Variants in STON1 observed in about 807,000 individuals in gnomAD.
The protein encoded by STON1 is stonin 1.
A neutral mutation model predicts 60.9 loss-of-function variants in STON1; 79 were observed. That is an observed-to-expected ratio of 1.30 (90% confidence interval 1.08 to 1.56). STON1 has a LOEUF of 1.56. STON1 is among the 40% of genes most tolerant of loss of function. STON1 has a pLI of 0.00. For synonymous variants in STON1, 363 were observed against 306.9 expected (o/e 1.18, Z -1.91); for missense variants, 1,166 against 858.9 (o/e 1.36, Z -4.47).
intron 1 of STON1, among the ~76,000 whole-genome samples, chr2:48,546,438 A>G (rs1343444475): frequency 6.6e-6 from 1 of 152,158 alleles, no homozygotes; most frequent in East Asian, 1.9e-4. Flanking sequence ...TTAGCTCTGA[A>G]GCTCATGTTT....
chr2:48,570,090 A>G (rs971253751), intron 1 of STON1, among the ~76,000 whole-genome samples: 1 of 152,188 alleles, frequency 6.6e-6, no homozygotes, highest in Non-Finnish European at 1.5e-5. Flanking sequence ...ATCCCAGCGC[A>G]TTGGGAGGCC....
chr2:48,576,185 C>CTTGTTTTTTTTTTTTTTTT (rs1673486090), intron 1 of STON1, among the ~76,000 whole-genome samples: 1 of 63,062 alleles, frequency 1.6e-5, no homozygotes, highest in Non-Finnish European at 2.6e-5. Context: ...GTTTTCCTTT[C>CTTGTTTTTTTTTTTTTTTT]TTTTTTTTTT....
intron 2 of STON1, among the ~76,000 whole-genome samples, chr2:48,586,320 G>A (rs1674203837): frequency 6.6e-6 from 1 of 152,200 alleles, no homozygotes; most frequent in Non-Finnish European, 1.5e-5. Flanking sequence ...TATAGGTTCT[G>A]TGCTGAGTGT....
intron 1 of STON1, among the ~76,000 whole-genome samples, chr2:48,543,667 G>A (rs904175623): frequency 6.6e-6 from 1 of 151,560 alleles, no homozygotes; most frequent in Non-Finnish European, 1.5e-5. Flanking sequence ...AAGTAGCTGG[G>A]ACTATAGGCA....
rs1369560950 is a variant in STON1, at chr2:48,582,391, C to T, written c.1758C>T (p.Asn586=). The T allele has an allele frequency of 6.2e-7, 1 of 1,614,156 alleles. No individual in the cohort carries two copies. The highest frequency in any genetic ancestry group is 8.5e-7 in the Non-Finnish European group (1 of 1,180,030). The change falls in exon 2 of 4, where the codon AAC becomes AAT. Residue 586 remains asparagine, a synonymous_variant. Transcript: ENST00000404752. ...GGATCAAGGCCCTTTGGACCATGAA[C>T]CTCCAGAGGCAGAAGTCTCTGAAAG... The part of the protein sequence containing the change: ...SQWIKALWTM[N]LQRQKSLKAK...
chr2:48,546,836 G>C (rs1215995272), intron 1 of STON1, among the ~76,000 whole-genome samples: 1 of 152,144 alleles, frequency 6.6e-6, no homozygotes, highest in African/African-American at 2.4e-5. Context: ...AAAATGTGGG[G>C]ATTACAGGTA....
intron 1 of STON1, among the ~76,000 whole-genome samples, chr2:48,565,341 C>A (rs2349097): frequency 1.3e-5 from 2 of 152,090 alleles, no homozygotes; most frequent in Admixed American, 1.3e-4. Flanking sequence ...CGTGAGCCAC[C>A]GCGCCCAGCC....
chr2:48,591,689 AGCTTG>A lies in STON1; in HGVS notation c.1969_1973del (p.Leu657IlefsTer8). Reference sequence around the variant, plus strand: ...CCCCATTGTCTGTCATACAAATTAGAGCTTGGATCAGACCAAGAAATTCCCTCTGA... The same window carrying A: ...CCCCATTGTCTGTCATACAAATTAGAGATCAGACCAAGAAATTCCCTCTGA... On this transcript the variant is annotated frameshift_variant, in exon 3 of 4. Coordinates refer to ENST00000404752, the MANE Select transcript of STON1 (RefSeq NM_006873.4). LOFTEE classifies it high-confidence loss of function. The A allele has an allele frequency of 6.2e-7, 1 of 1,614,074 alleles. No homozygotes were observed. Among genetic ancestry groups the A allele is most frequent in the Non-Finnish European group, 8.5e-7 (1 of 1,180,022 alleles).
At chr2:48,588,043 A>G (rs890489929) in intron 2 of STON1, among the ~76,000 whole-genome samples, 7 of 152,144 alleles carry the variant, frequency 4.6e-5, no homozygotes, top group African/African-American at 1.7e-4. Flanking sequence ...GGGTAATAAT[A>G]AGGTTGGAGC....
intron 1 of STON1, among the ~76,000 whole-genome samples, chr2:48,547,693 A>T (rs939601542): frequency 1.3e-5 from 2 of 152,192 alleles, no homozygotes; most frequent in Non-Finnish European, 2.9e-5. Context: ...AAGTTATCTG[A>T]AGGGTGGTCA....
intron 1 of STON1, among the ~76,000 whole-genome samples, chr2:48,538,998 G>A (rs1382172958): frequency 6.6e-6 from 1 of 151,582 alleles, no homozygotes; most frequent in East Asian, 1.9e-4. Context: ...GCTCACTGCA[G>A]CCTCAAACTC....
intron 1 of STON1, among the ~76,000 whole-genome samples, chr2:48,538,129 T>C (rs911625638): frequency 6.6e-6 from 1 of 151,962 alleles, no homozygotes; most frequent in Non-Finnish European, 1.5e-5. Context: ...AGCTAATTTT[T>C]TGTATTTTTA....
chr2:48,546,208 G>A (rs539317226), intron 1 of STON1, among the ~76,000 whole-genome samples: 19 of 152,220 alleles, frequency 1.2e-4, no homozygotes, highest in Admixed American at 2.0e-4. Flanking sequence ...TCTTTTCACT[G>A]CATCCTCATT....
At chr2:48,564,423 T>TCTTCC (rs1672751079) in intron 1 of STON1, among the ~76,000 whole-genome samples, 4 of 39,756 alleles carry the variant, frequency 1.0e-4, no homozygotes, top group African/African-American at 3.6e-4. Context: ...CTTCTTCTTC[T>TCTTCC]TCTTCTTCTT....
rs779750228 is a variant in STON1, at chr2:48,580,591, A to G, written c.-43A>G. On this transcript the variant is annotated 5_prime_UTR_variant, in exon 2 of 4. Coordinates refer to ENST00000404752, the MANE Select transcript of STON1 (RefSeq NM_006873.4). ...TTTATTTTATTTTTTTAACAGAGTCAACCTATTTGATTTCTTGACAAGACC... is the reference window on the plus strand; with the variant it reads ...TTTATTTTATTTTTTTAACAGAGTCGACCTATTTGATTTCTTGACAAGACC... The G allele has an allele frequency of 7.6e-7, 1 of 1,320,826 alleles. No homozygotes were observed. Among genetic ancestry groups the G allele is most frequent in the Non-Finnish European group, 9.7e-7 (1 of 1,026,632 alleles). 81.8% of individuals were successfully genotyped at this position (1,320,826 alleles called of 1,614,324 possible).
At position 48,578,187 on chromosome 2, in the gene STON1, T is replaced by C. The variant is rs543695833; in HGVS notation, c.-47-2400T>C. On this transcript the variant is annotated intron_variant, in intron 1 of 3. Coordinates refer to ENST00000404752, the MANE Select transcript of STON1 (RefSeq NM_006873.4). ...AGATGGGGTTTCACCATGTTGGCCA[T>C]GCTGGCCTTGGACTTCTGACCTCAG... Among the ~76,000 whole-genome samples, 33 of 151,510 alleles carry C rather than the reference T, an allele frequency of 2.2e-4. No individual in the cohort carries two copies. The South Asian group carries it at 6.7e-3, about 31-fold the overall frequency.
chr2:48,547,598 C>T (rs1228984273), intron 1 of STON1, among the ~76,000 whole-genome samples: 1 of 152,180 alleles, frequency 6.6e-6, no homozygotes, highest in African/African-American at 2.4e-5. Flanking sequence ...AGTGTGCTTT[C>T]AGGGATATGC....
At chr2:48,544,656 C>T (rs902650336) in intron 1 of STON1, among the ~76,000 whole-genome samples, 1 of 152,184 alleles carries the variant, frequency 6.6e-6, no homozygotes, top group Non-Finnish European at 1.5e-5. Context: ...AGCGATCCTC[C>T]TGCTTCAGCC....
intron 1 of STON1, among the ~76,000 whole-genome samples, chr2:48,533,425 A>G (rs1307562208): frequency 2.0e-5 from 3 of 151,922 alleles, no homozygotes; most frequent in Non-Finnish European, 2.9e-5. Context: ...TCAGTGGCTC[A>G]TACCTGTAAT....
Sources: gnomAD v4.1 joint callset for allele counts (sites outside exome capture counted in the v4.1 genomes callset) on GRCh38, gnomAD v4.1.1 for gene constraint, MANE v1.5 for transcripts, NCBI Gene and HGNC (gene_info 2026-07-23, HGNC 2026-07-21) for gene names.